The following EXD2 variants were observed in gnomAD, a reference collection of about 807,000 sequenced individuals.
EXD2 encodes the protein exonuclease 3'-5' domain containing 2, also known as exonuclease 3'-5' domain-containing protein 2.
In EXD2, 40 loss-of-function variants were observed where a neutral mutation model predicts 62.5. The observed-to-expected ratio is 0.64, with a 90% CI of 0.50 to 0.83. The LOEUF is 0.83. Ranked by LOEUF, EXD2 falls within the 40% of genes least tolerant of loss-of-function variation. The pLI is 0.00. For missense variants in EXD2, 671 were observed against 761.8 expected (o/e 0.88, Z 1.40); for synonymous variants, 239 against 291.9 (o/e 0.82, Z 1.85).
chr14:69,235,417 G>A (rs2043744128), intron 6 of EXD2, among the ~76,000 whole-genome samples: 1 of 152,156 alleles, frequency 6.6e-6, no homozygotes, highest in African/African-American at 2.4e-5. Context: ...TACTTTTCAG[G>A]AGAAATGCAT....
At chr14:69,229,274 A>G (rs2043483231) in intron 4 of EXD2, among the ~76,000 whole-genome samples, 1 of 152,202 alleles carries the variant, frequency 6.6e-6, no homozygotes, top group South Asian at 2.1e-4. Context: ...TTTAGATCAA[A>G]CATTACTGAG....
intron 3 of EXD2, among the ~76,000 whole-genome samples, chr14:69,226,672 C>T (rs1220544487): frequency 1.3e-5 from 2 of 152,102 alleles, no homozygotes; most frequent in Admixed American, 6.5e-5. Flanking sequence ...CGCTTGAACC[C>T]GGGAGGGAGA....
At chr14:69,226,773 G>GTT (rs10710360) in intron 3 of EXD2, among the ~76,000 whole-genome samples, 5 of 140,624 alleles carry the variant, frequency 3.6e-5, no homozygotes, top group Non-Finnish European at 4.6e-5. Context: ...AGCCCTCCCA[G>GTT]TTTTTTTTTT....
intron 8 of EXD2, 23 bp downstream of exon 8, chr14:69,236,565 C>G: frequency 6.2e-7 from 1 of 1,613,832 alleles, no homozygotes; most frequent in Non-Finnish European, 8.5e-7. Flanking sequence ...TTGGGCCACC[C>G]TGGTTGTCTG....
Position 69,241,892 on chromosome 14 carries a change from C to G in EXD2, c.*792C>G. On this transcript the variant is annotated 3_prime_UTR_variant, in exon 10 of 10. Coordinates refer to ENST00000685843, the MANE Select transcript of EXD2 (RefSeq NM_001193360.2). ...TTGCCTGCTTGTTGCACTCCTCCTG[C>G]CCCAGAACTGCAAGATTTTTAGCTT... The G allele has an allele frequency of 2.5e-6, 1 of 399,030 alleles. No homozygotes were observed. Among genetic ancestry groups the G allele is most frequent in the Admixed American group, 4.4e-5 (1 of 22,740 alleles). 24.7% of individuals were successfully genotyped at this position (399,030 alleles called of 1,614,324 possible).
rs2043999011 is a variant in EXD2 at position 69,242,182 on chromosome 14, T to C, written c.*1082T>C. ...CCATTACTTTGAGTATAAAATCGAC[T>C]TATTAATGATTAGTAATTTTTCTAA... On this transcript the variant is annotated 3_prime_UTR_variant, in exon 10 of 10. Coordinates refer to ENST00000685843, the MANE Select transcript of EXD2 (RefSeq NM_001193360.2). 2.5e-6 allele frequency: 1 copy of C among 397,336 alleles called. No individual in the cohort carries two copies. The highest frequency in any genetic ancestry group is 2.1e-5 in the African/African-American group (1 of 48,748). 24.6% of individuals were successfully genotyped at this position (397,336 alleles called of 1,614,324 possible).
chr14:69,231,124 AT>A (rs144706438), intron 5 of EXD2, among the ~76,000 whole-genome samples: 156 of 151,914 alleles, frequency 1.0e-3, no homozygotes, highest in African/African-American at 3.6e-3. Context: ...AGAAAAAGGG[AT>A]TTTTTTTATG....
chr14:69,206,455 C>CCTTTTTTTTTTTTTTTTTTTTTT lies in EXD2; in HGVS notation c.-48+2455_-48+2456insCTTTTTTTTTTTTTTTTTTTTTT, dbSNP rs60787528. Among the ~76,000 whole-genome samples, 43 of 94,640 alleles carry CCTTTTTTTTTTTTTTTTTTTTTT rather than the reference C, an allele frequency of 4.5e-4. 12 individuals are homozygous for CCTTTTTTTTTTTTTTTTTTTTTT. Among genetic ancestry groups the CCTTTTTTTTTTTTTTTTTTTTTT allele is most frequent in the African/African-American group, 8.1e-4 (18 of 22,178 alleles). 62.1% of individuals were successfully genotyped at this position (94,640 alleles called of 152,430 possible). ...CCCAGCTTCATCTCCCACCCACCCACTTTTTTTTTTTTTTTTTTTTTTTTT... is the reference window on the plus strand; with the variant it reads ...CCCAGCTTCATCTCCCACCCACCCACCTTTTTTTTTTTTTTTTTTTTTTTTTTTTTTTTTTTTTTTTTTTTTTT... On this transcript the variant is annotated intron_variant, in intron 2 of 9. Transcript: ENST00000685843.
intron 1 of EXD2, among the ~76,000 whole-genome samples, chr14:69,202,616 A>G (rs181251119): frequency 1.1e-3 from 174 of 152,310 alleles, no homozygotes; most frequent in Middle Eastern, 0.01. Flanking sequence ...AGTTTGCTGA[A>G]TGAATCCCTT....
At chr14:69,237,130 A>G (rs954937978) in intron 8 of EXD2, among the ~76,000 whole-genome samples, 5 of 152,254 alleles carry the variant, frequency 3.3e-5, no homozygotes, top group African/African-American at 9.6e-5. Context: ...TTAGAAAATA[A>G]TGATGAACCT....
chr14:69,213,316 C>G (rs2042879438), intron 3 of EXD2, among the ~76,000 whole-genome samples: 1 of 150,832 alleles, frequency 6.6e-6, no homozygotes, highest in South Asian at 2.1e-4. Context: ...ATCCTCCTGC[C>G]TTGGCCTCCC....
At position 69,225,540 on chromosome 14, in the gene EXD2, C is replaced by T. The variant is rs558342874; in HGVS notation, c.334-3276C>T. ...ACACATTAATACAGTATTATATGTG[C>T]GTAATTTATAAATATATATAGTATA... is the stretch of plus-strand genomic sequence containing the variant. On this transcript the variant is annotated intron_variant, in intron 3 of 9. Transcript: ENST00000685843. 1.1e-4 allele frequency among the ~76,000 whole-genome samples: 17 copies of T among 152,070 alleles called. No homozygotes were observed. In the South Asian group the frequency reaches 1.7e-3, roughly 15 times the overall value.
At chr14:69,195,671 C>G (rs1459563446) in intron 1 of EXD2, among the ~76,000 whole-genome samples, 2 of 152,124 alleles carry the variant, frequency 1.3e-5, no homozygotes, top group Non-Finnish European at 2.9e-5. Flanking sequence ...AGAAGTCAGT[C>G]CCTATCCCTG....
chr14:69,192,948 A>G (rs1595095100), intron 1 of EXD2, among the ~76,000 whole-genome samples: 2 of 152,080 alleles, frequency 1.3e-5, no homozygotes, highest in African/African-American at 4.8e-5. Context: ...ATGTGAGAGC[A>G]TTTCTCAAGG....
intron 3 of EXD2, among the ~76,000 whole-genome samples, chr14:69,213,572 T>G (rs2042891230): frequency 8.3e-6 from 1 of 119,804 alleles, no homozygotes; most frequent in South Asian, 2.7e-4. Flanking sequence ...AAATGGGGTC[T>G]TGTTGTGTTG....
chr14:69,209,864 G>T (rs1250661325), intron 3 of EXD2, 61 bp downstream of exon 3: 2 of 1,300,824 alleles, frequency 1.5e-6, no homozygotes, highest in African/African-American at 3.0e-5. Flanking sequence ...TTTCCAACTG[G>T]GACCTTGGAC....
At chr14:69,203,020 A>G (rs185581408) in intron 1 of EXD2, among the ~76,000 whole-genome samples, 116 of 152,294 alleles carry the variant, frequency 7.6e-4, no homozygotes, top group Non-Finnish European at 1.1e-3. Flanking sequence ...AAGTAATAGT[A>G]TCACTGTAGC....
rs1331705130 is a variant in EXD2 at position 69,209,531 on chromosome 14, GGGTT to G, written c.62_65del (p.Gly21ValfsTer18). 1 of 1,550,600 alleles carries G rather than the reference GGGTT, an allele frequency of 6.4e-7. No homozygotes were observed. ...TACCCTTCTGGGTGTGGCTGTAGGG[GGGTT>G]TGTCCTCTGGAAAGGCATCCAGCGC... is the stretch of plus-strand genomic sequence containing the variant. On this transcript the variant is annotated frameshift_variant, in exon 3 of 10. Transcript: ENST00000685843. LOFTEE classifies it high-confidence loss of function.
intron 3 of EXD2, among the ~76,000 whole-genome samples, chr14:69,221,256 TG>T (rs776422797): frequency 2.0e-5 from 3 of 152,236 alleles, no homozygotes; most frequent in Non-Finnish European, 4.4e-5. Context: ...TGGAAGAGTT[TG>T]TATAAGATTG....
Sources: allele counts gnomAD v4.1 joint callset (sites outside exome capture counted in the v4.1 genomes callset), GRCh38; gene constraint gnomAD v4.1.1; transcripts MANE v1.5; gene names NCBI Gene and HGNC (gene_info 2026-07-23, HGNC 2026-07-21).